ALK: variants seen among roughly 807,000 people sequenced by gnomAD.
The protein encoded by ALK is ALK tyrosine kinase receptor.
In ALK, 74 loss-of-function variants were observed where a neutral mutation model predicts 163.1. The ratio of observed to expected loss-of-function variants is 0.45; its 90% CI spans 0.38 to 0.55. ALK has a LOEUF of 0.55. Ranked by LOEUF, ALK falls within the 20% of genes least tolerant of loss-of-function variation. The probability of loss-of-function intolerance (pLI) is 0.00; values close to 1 mark genes in which losing one functional copy is unlikely to be tolerated. For synonymous variants in ALK, 960 were observed against 843.2 expected, an observed-to-expected ratio of 1.14 and a Z score of -2.40; for missense variants, 2,063 against 2,105.3, an observed-to-expected ratio of 0.98 and a Z score of 0.39.
At chr2:29,512,160 T>C (rs774008919) in intron 4 of ALK, among the ~76,000 whole-genome samples, 14 of 152,220 alleles carry the variant, frequency 9.2e-5, no homozygotes, top group Non-Finnish European at 1.8e-4. Context: ...TTTTCTCTTA[T>C]GTTTTATTCC....
chr2:29,484,664 C>G (rs1253528625), intron 4 of ALK, among the ~76,000 whole-genome samples: 1 of 152,144 alleles, frequency 6.6e-6, no homozygotes, highest in Non-Finnish European at 1.5e-5. Flanking sequence ...TATACCCTCC[C>G]TTTAAATTTG....
chr2:29,794,239 T>A (rs1664252595), intron 1 of ALK, among the ~76,000 whole-genome samples: 1 of 152,198 alleles, frequency 6.6e-6, no homozygotes, highest in African/African-American at 2.4e-5. Flanking sequence ...ATTTTTCTCC[T>A]GCAGATTCTC....
At chr2:29,876,953 A>G (rs961918891) in intron 1 of ALK, among the ~76,000 whole-genome samples, 2 of 152,054 alleles carry the variant, frequency 1.3e-5, no homozygotes, top group Non-Finnish European at 2.9e-5. Flanking sequence ...CATCTTTCTT[A>G]GCTTCCTTGG....
intron 1 of ALK, among the ~76,000 whole-genome samples, chr2:29,914,150 C>G (rs1226184000): frequency 6.6e-6 from 1 of 152,164 alleles, no homozygotes; most frequent in African/African-American, 2.4e-5. Flanking sequence ...AAAAGGCTTA[C>G]GAGAGGACAT....
intron 1 of ALK, among the ~76,000 whole-genome samples, chr2:29,739,262 A>T (rs1489544194): frequency 2.0e-5 from 3 of 149,850 alleles, no homozygotes; most frequent in Non-Finnish European, 4.5e-5. Flanking sequence ...AAAAAAAAAA[A>T]AAAAAAAGAA....
chr2:29,545,482 T>G (rs1673529345), intron 3 of ALK, among the ~76,000 whole-genome samples: 1 of 152,278 alleles, frequency 6.6e-6, no homozygotes, highest in African/African-American at 2.4e-5. Context: ...ATTGAGATAA[T>G]GGAAAGACAG....
intron 10 of ALK, 73 bp from the exon 11 acceptor site, chr2:29,275,300 A>T (rs1665506121): frequency 1.2e-6 from 2 of 1,611,762 alleles, no homozygotes; most frequent in Non-Finnish European, 1.7e-6. Context: ...TTTCACACTG[A>T]GGGAGGTGGG....
At chr2:29,615,199 C>T (rs1675806672) in intron 3 of ALK, among the ~76,000 whole-genome samples, 3 of 152,158 alleles carry the variant, frequency 2.0e-5, no homozygotes, top group Admixed American at 1.3e-4. Context: ...TCTCCTCCTT[C>T]CTACTTGGTT....
intron 4 of ALK, among the ~76,000 whole-genome samples, chr2:29,413,529 T>G (rs7606022): frequency 0.43 from 64,720 of 150,842 alleles, 14,485 homozygotes; most frequent in East Asian, 0.7. Context: ...ACTTATTTAT[T>G]GTTTATTTAT....
chr2:29,612,037 C>T (rs559505403), intron 3 of ALK, among the ~76,000 whole-genome samples: 3 of 152,272 alleles, frequency 2.0e-5, no homozygotes, highest in South Asian at 4.2e-4. Context: ...GGAACAGATC[C>T]AGACAGGGTG....
At position 29,423,371 on chromosome 2, in the gene ALK, T is replaced by C. The variant is rs375117647; in HGVS notation, c.1155-39512A>G. On this transcript the variant is annotated intron_variant, in intron 4 of 28. Coordinates refer to ENST00000389048, the MANE Select transcript of ALK (RefSeq NM_004304.5). ...CCCTTGCGTTTTCCACCACATTGCA[T>C]TGACCTGGCCAACAATGTGGGCCCT... 7.2e-5 allele frequency among the ~76,000 whole-genome samples: 11 copies of C among 152,330 alleles called. 1 individual carries two copies. Among genetic ancestry groups the C allele is most frequent in the African/African-American group, 2.2e-4 (9 of 41,584 alleles).
chr2:29,406,319 T>A (rs1558310644), intron 4 of ALK, among the ~76,000 whole-genome samples: 1 of 151,986 alleles, frequency 6.6e-6, no homozygotes, highest in East Asian at 1.9e-4. Context: ...ATCTCCCAAA[T>A]CCCTCCCTCA....
intron 3 of ALK, among the ~76,000 whole-genome samples, chr2:29,595,406 T>C (rs6547959): frequency 0.78 from 117,166 of 150,556 alleles, 45,912 homozygotes; most frequent in African/African-American, 0.87. Flanking sequence ...CTGCAAGCTC[T>C]GCCTCCCGGG....
intron 4 of ALK, among the ~76,000 whole-genome samples, chr2:29,488,485 G>A (rs973660793): frequency 6.6e-6 from 1 of 152,170 alleles, no homozygotes; most frequent in East Asian, 1.9e-4. Flanking sequence ...TCCCTGGCAT[G>A]ACTGATGGCA....
intron 4 of ALK, among the ~76,000 whole-genome samples, chr2:29,431,411 C>T (rs932949636): frequency 1.3e-5 from 2 of 152,146 alleles, no homozygotes; most frequent in Non-Finnish European, 1.5e-5. Flanking sequence ...CTGTAGCCAA[C>T]TGATTCGAAT....
intron 3 of ALK, among the ~76,000 whole-genome samples, chr2:29,687,312 C>G (rs1489428149): frequency 1.3e-5 from 2 of 151,838 alleles, no homozygotes; most frequent in African/African-American, 4.8e-5. Flanking sequence ...GTGGGGTGCT[C>G]TGGACTTGGG....
chr2:29,606,399 T>C (rs1002989602), intron 3 of ALK, among the ~76,000 whole-genome samples: 2 of 152,258 alleles, frequency 1.3e-5, no homozygotes, highest in African/African-American at 4.8e-5. Context: ...AAATGGGATC[T>C]ACATGGGCCA....
chr2:29,743,774 G>A (rs1362627334), intron 1 of ALK, among the ~76,000 whole-genome samples: 1 of 152,162 alleles, frequency 6.6e-6, no homozygotes, highest in Non-Finnish European at 1.5e-5. Flanking sequence ...TAAGAGAACT[G>A]CAGGTGTTAA....
chr2:29,296,397 G>A (rs911932897), intron 9 of ALK, among the ~76,000 whole-genome samples: 5 of 152,196 alleles, frequency 3.3e-5, no homozygotes, highest in African/African-American at 4.8e-5. Flanking sequence ...GCACTTCACC[G>A]TTTTGATTCT....
Sources: allele counts gnomAD v4.1 joint callset (sites outside exome capture counted in the v4.1 genomes callset), GRCh38; gene constraint gnomAD v4.1.1; transcripts MANE v1.5; gene names NCBI Gene and HGNC (gene_info 2026-07-23, HGNC 2026-07-21).